EXOC4: variants seen among roughly 807,000 people sequenced by gnomAD.
EXOC4 encodes the protein SEC8-like 1.
In EXOC4, 71 loss-of-function variants were observed where a neutral mutation model predicts 107.2. That is an observed-to-expected ratio of 0.66 (90% confidence interval 0.55 to 0.81). The LOEUF is 0.81. Among genes scored for constraint, EXOC4 ranks in the 30% least tolerant of loss-of-function variants. EXOC4 has a pLI of 0.00. For synonymous variants in EXOC4, 456 were observed against 441.2 expected, an observed-to-expected ratio of 1.03 and a Z score of -0.42; for missense variants, 1,108 against 1,189.6, an observed-to-expected ratio of 0.93 and a Z score of 1.01.
chr7:133,783,118 G>C (rs1349785916), intron 10 of EXOC4, among the ~76,000 whole-genome samples: 1 of 152,102 alleles, frequency 6.6e-6, no homozygotes, highest in Admixed American at 6.6e-5. Context: ...CCTGATATAT[G>C]GTAGCATTAA....
intron 10 of EXOC4, among the ~76,000 whole-genome samples, chr7:133,754,963 G>T (rs1027454290): frequency 6.6e-6 from 1 of 151,728 alleles, no homozygotes; most frequent in Non-Finnish European, 1.5e-5. Context: ...GCGTATTGAT[G>T]ATGTTCTTTT....
chr7:133,835,467 A>C (rs551052638), intron 11 of EXOC4, among the ~76,000 whole-genome samples: 1 of 152,172 alleles, frequency 6.6e-6, no homozygotes, highest in Non-Finnish European at 1.5e-5. Flanking sequence ...TAAGAGACAA[A>C]GGGTTGCATT....
chr7:134,049,737 TTTAC>T (rs1233902013), intron 17 of EXOC4, among the ~76,000 whole-genome samples: 1 of 152,202 alleles, frequency 6.6e-6, no homozygotes, highest in African/African-American at 2.4e-5. Flanking sequence ...AGGACTATGT[TTTAC>T]TTACCTCTGC....
chr7:133,607,356 G>A (rs984578568), intron 9 of EXOC4, among the ~76,000 whole-genome samples: 7 of 152,196 alleles, frequency 4.6e-5, no homozygotes, highest in Non-Finnish European at 8.8e-5. Context: ...GTTTTCCGAG[G>A]CAGATGGAAT....
At chr7:134,038,935 A>G (rs773991163) in intron 17 of EXOC4, among the ~76,000 whole-genome samples, 17 of 152,224 alleles carry the variant, frequency 1.1e-4, no homozygotes, top group Admixed American at 6.5e-4. Context: ...ATGCACATGT[A>G]AAGAGATACC....
chr7:133,412,284 T>TTTG (rs1451970574), intron 7 of EXOC4, among the ~76,000 whole-genome samples: 7 of 144,720 alleles, frequency 4.8e-5, no homozygotes, highest in African/African-American at 7.6e-5. Context: ...TTCAGTTTTT[T>TTTG]TTTTTTTTTT....
At chr7:133,534,464 A>T (rs1340231218) in intron 9 of EXOC4, among the ~76,000 whole-genome samples, 1 of 152,156 alleles carries the variant, frequency 6.6e-6, no homozygotes, top group Non-Finnish European at 1.5e-5. Context: ...AGCAAATCTG[A>T]ACTTGCTGAT....
At chr7:133,701,007 C>G (rs1436139593) in intron 10 of EXOC4, among the ~76,000 whole-genome samples, 3 of 151,934 alleles carry the variant, frequency 2.0e-5, no homozygotes, top group Admixed American at 1.3e-4. Flanking sequence ...TGTATTCTTA[C>G]CTGGTGTAAT....
intron 17 of EXOC4, among the ~76,000 whole-genome samples, chr7:134,063,462 G>A (rs1796114545): frequency 6.6e-6 from 1 of 152,192 alleles, no homozygotes; most frequent in Admixed American, 6.5e-5. Context: ...TCCTGGCATG[G>A]TCAGTCCCTG....
intron 10 of EXOC4, among the ~76,000 whole-genome samples, chr7:133,734,944 C>T (rs901843123): frequency 3.3e-5 from 5 of 150,778 alleles, no homozygotes; most frequent in Admixed American, 6.6e-5. Context: ...GGCACGGTGG[C>T]TCACGCCTGT....
At chr7:133,605,204 A>G (rs1801910796) in intron 9 of EXOC4, among the ~76,000 whole-genome samples, 1 of 152,222 alleles carries the variant, frequency 6.6e-6, no homozygotes, top group Admixed American at 6.5e-5. Flanking sequence ...AGTACACACT[A>G]TTGTCAGACT....
intron 9 of EXOC4, among the ~76,000 whole-genome samples, chr7:133,525,338 T>C (rs1800059651): frequency 6.6e-6 from 1 of 152,210 alleles, no homozygotes; most frequent in Non-Finnish European, 1.5e-5. Context: ...CAACCTTTAC[T>C]TAGGTTTTAT....
chr7:133,439,590 G>A lies in EXOC4; in HGVS notation c.1183-35738G>A, dbSNP rs141890201. On this transcript the variant is annotated intron_variant, in intron 7 of 17. Transcript: ENST00000253861. The stretch of plus-strand genomic sequence containing the variant: ...CATATATCCATGAAGTATAGTGTAC[G>A]TATTTATGTGTGAGTGTGTTTGTAT... 2.6e-5 allele frequency among the ~76,000 whole-genome samples: 4 copies of A among 152,122 alleles called. No homozygotes were observed. The South Asian group carries it at 6.2e-4, about 24-fold the overall frequency.
At chr7:133,520,832 T>C (rs1339663497) in intron 9 of EXOC4, among the ~76,000 whole-genome samples, 1 of 152,108 alleles carries the variant, frequency 6.6e-6, no homozygotes, top group African/African-American at 2.4e-5. Context: ...CCACAACAGC[T>C]CAGTAAAAGA....
intron 7 of EXOC4, among the ~76,000 whole-genome samples, chr7:133,472,031 T>C (rs1798891897): frequency 6.6e-6 from 1 of 152,174 alleles, no homozygotes; most frequent in Non-Finnish European, 1.5e-5. Context: ...GAGAAGGTAA[T>C]CCAGATTAGG....
At chr7:133,971,665 C>A (rs950626000) in intron 14 of EXOC4, among the ~76,000 whole-genome samples, 1 of 151,910 alleles carries the variant, frequency 6.6e-6, no homozygotes, top group Non-Finnish European at 1.5e-5. Flanking sequence ...GAAATTTATG[C>A]CTTCTTCCAG....
chr7:134,085,568 G>T, the EXOC4 span, among the ~76,000 whole-genome samples: 1 of 152,168 alleles, frequency 6.6e-6, no homozygotes, highest in East Asian at 1.9e-4. Flanking sequence ...GCCACTGGAG[G>T]TATAACCTGG....
At chr7:134,045,922 A>C (rs918135064) in intron 17 of EXOC4, among the ~76,000 whole-genome samples, 1 of 152,200 alleles carries the variant, frequency 6.6e-6, no homozygotes, top group Non-Finnish European at 1.5e-5. Context: ...TATTTTCAAG[A>C]TTTATAAAAT....
At chr7:133,802,974 T>C (rs1455780290) in intron 10 of EXOC4, among the ~76,000 whole-genome samples, 4 of 152,010 alleles carry the variant, frequency 2.6e-5, no homozygotes, top group South Asian at 2.1e-4. Context: ...AAAAAACACT[T>C]CTAAAGACAT....
Sources: allele counts gnomAD v4.1 joint callset (sites outside exome capture counted in the v4.1 genomes callset), GRCh38; gene constraint gnomAD v4.1.1; transcripts MANE v1.5; gene names NCBI Gene and HGNC (gene_info 2026-07-23, HGNC 2026-07-21).